The following PCCA variants were observed in gnomAD, a reference collection of about 807,000 sequenced individuals.
PCCA encodes propionyl-CoA carboxylase subunit alpha.
A neutral mutation model predicts 101.3 loss-of-function variants in PCCA; 74 were observed. That is an observed-to-expected ratio of 0.73 (90% confidence interval 0.61 to 0.89). The LOEUF is 0.89. PCCA is among the 40% of genes least tolerant of loss of function. PCCA has a pLI of 0.00. For synonymous variants in PCCA, 294 were observed against 313.6 expected, an observed-to-expected ratio of 0.94 and a Z score of 0.66; for missense variants, 891 against 907.0, an observed-to-expected ratio of 0.98 and a Z score of 0.23.
At chr13:100,292,313 G>C (rs892526758) in intron 12 of PCCA, among the ~76,000 whole-genome samples, 1 of 152,196 alleles carries the variant, frequency 6.6e-6, no homozygotes, top group East Asian at 1.9e-4. Context: ...TTTTCACTCA[G>C]AGCAAGTAAA....
Position 100,104,534 on chromosome 13 carries a change from G to A in PCCA, c.183+1574G>A, listed in dbSNP as rs556824116. 4.1e-4 allele frequency: 62 copies of A among 152,304 alleles called. 1 individual carries two copies. Among genetic ancestry groups the A allele is most frequent in the Admixed American group, 3.7e-3 (56 of 15,278 alleles). 9.4% of individuals were successfully genotyped at this position (152,304 alleles called of 1,614,324 possible). On this transcript the variant is annotated intron_variant, in intron 2 of 23. Transcript: ENST00000376285. Reference sequence around the variant, plus strand: ...CTCTCCCCTGCTGCCTTGTGAAGAAGGGTCCTGCTTTCCTTCTGCCATGAT... The same window carrying A: ...CTCTCCCCTGCTGCCTTGTGAAGAAAGGTCCTGCTTTCCTTCTGCCATGAT...
At chr13:100,112,576 CTTTTT>C (rs5806149) in intron 4 of PCCA, among the ~76,000 whole-genome samples, 3 of 124,046 alleles carry the variant, frequency 2.4e-5, no homozygotes, top group Admixed American at 8.6e-5. Flanking sequence ...CACAGCAGGC[CTTTTT>C]TTTTTTTTTT....
intron 6 of PCCA, among the ~76,000 whole-genome samples, chr13:100,169,512 A>G (rs561737325): frequency 6.6e-6 from 1 of 151,274 alleles, no homozygotes; most frequent in Admixed American, 6.6e-5. Context: ...GGCTGAACTC[A>G]TGCTTTTTAT....
chr13:100,145,973 A>G (rs1356191384), intron 4 of PCCA, among the ~76,000 whole-genome samples: 1 of 148,506 alleles, frequency 6.7e-6, no homozygotes, highest in Non-Finnish European at 1.5e-5. Context: ...GTCTCACTCT[A>G]TCGCCCAGGC....
chr13:100,301,407 C>T, intron 12 of PCCA, 53 bp from the exon 13 acceptor site: 1 of 1,601,868 alleles, frequency 6.2e-7, no homozygotes, highest in Non-Finnish European at 8.6e-7. Context: ...TTGTTTGTTT[C>T]TATTTATTTA....
At chr13:100,427,309 T>C (rs571217762) in intron 20 of PCCA, among the ~76,000 whole-genome samples, 6 of 152,372 alleles carry the variant, frequency 3.9e-5, no homozygotes, top group African/African-American at 1.4e-4. Flanking sequence ...GAATATGTTA[T>C]GGCTCAAGTG....
chr13:100,098,105 C>G (rs919901377), intron 1 of PCCA, among the ~76,000 whole-genome samples: 2 of 151,772 alleles, frequency 1.3e-5, no homozygotes, highest in African/African-American at 4.8e-5. Context: ...GTGGGAAGAT[C>G]ATTTAAGCCT....
intron 17 of PCCA, among the ~76,000 whole-genome samples, chr13:100,332,058 C>G (rs910731789): frequency 6.6e-6 from 1 of 151,120 alleles, no homozygotes; most frequent in Admixed American, 6.6e-5. Flanking sequence ...CCTGCCGCAG[C>G]GTCCCAAGTA....
At chr13:100,120,852 G>A (rs1022195670) in intron 4 of PCCA, among the ~76,000 whole-genome samples, 2 of 152,082 alleles carry the variant, frequency 1.3e-5, no homozygotes, top group Non-Finnish European at 2.9e-5. Context: ...AACCAGCTGG[G>A]ATTTTGATTG....
chr13:100,450,813 T>G (rs1285328586), intron 21 of PCCA, among the ~76,000 whole-genome samples: 1 of 152,232 alleles, frequency 6.6e-6, no homozygotes, highest in Non-Finnish European at 1.5e-5. Flanking sequence ...GTTTTGTGAT[T>G]ATTCTTGTTT....
chr13:100,214,408 T>C (rs2059395570), intron 7 of PCCA, among the ~76,000 whole-genome samples: 4 of 151,726 alleles, frequency 2.6e-5, no homozygotes. Flanking sequence ...GTTTTATAGT[T>C]GTTTTTTTGT....
At chr13:100,285,379 C>T (rs1022418657) in intron 12 of PCCA, among the ~76,000 whole-genome samples, 3 of 152,134 alleles carry the variant, frequency 2.0e-5, no homozygotes, top group African/African-American at 7.2e-5. Flanking sequence ...CAGAGAGAGC[C>T]GGGATAGCTC....
intron 8 of PCCA, among the ~76,000 whole-genome samples, chr13:100,241,706 C>T (rs9582380): frequency 0.16 from 23,678 of 152,044 alleles, 1,982 homozygotes; most frequent in Non-Finnish European, 0.18. Context: ...CTCAAGTGAT[C>T]CACCCACATT....
chr13:100,530,067 T>C, intron 23 of PCCA, 31 bp from the exon 24 acceptor site: 2 of 1,575,008 alleles, frequency 1.3e-6, no homozygotes, highest in Non-Finnish European at 1.7e-6. Flanking sequence ...ATTCTTACTC[T>C]CCCCTCCCCC....
chr13:100,139,010 T>C (rs1306078596), intron 4 of PCCA, among the ~76,000 whole-genome samples: 2 of 151,058 alleles, frequency 1.3e-5, no homozygotes, highest in Non-Finnish European at 3.0e-5. Flanking sequence ...ATATTTGCAC[T>C]GAATATAGAG....
At chr13:100,310,707 ATATATG>A (rs1266274460) in intron 16 of PCCA, among the ~76,000 whole-genome samples, 4 of 152,200 alleles carry the variant, frequency 2.6e-5, no homozygotes, top group Non-Finnish European at 4.4e-5. Flanking sequence ...TGCTTACTCT[ATATATG>A]TATATATAGG....
intron 6 of PCCA, among the ~76,000 whole-genome samples, chr13:100,190,630 G>A (rs977534320): frequency 9.9e-5 from 15 of 152,162 alleles, no homozygotes; most frequent in African/African-American, 3.6e-4. Flanking sequence ...AGCCGAGATT[G>A]TGCTATTGCA....
Position 100,268,670 on chromosome 13 carries a change from A to G in PCCA, c.820-19A>G. On this transcript the variant is annotated intron_variant, in intron 10 of 23. Transcript: ENST00000376285. Reference sequence around the variant, plus strand: ...GTGGGTGTGGTTATATGGTTTTTCAAATGGTATTGCTCTTTCAGGTTCTAG... The same window carrying G: ...GTGGGTGTGGTTATATGGTTTTTCAGATGGTATTGCTCTTTCAGGTTCTAG... 6.4e-7 allele frequency: 1 copy of G among 1,566,274 alleles called. No homozygotes were observed. The highest frequency in any genetic ancestry group is 8.8e-7 in the Non-Finnish European group (1 of 1,136,420).
At chr13:100,509,789 C>T (rs1403845816) in intron 21 of PCCA, among the ~76,000 whole-genome samples, 1 of 150,816 alleles carries the variant, frequency 6.6e-6, no homozygotes, top group African/African-American at 2.4e-5. Flanking sequence ...CAGACTAAGC[C>T]AGCATAGTGG....
Sources: allele counts gnomAD v4.1 joint callset (sites outside exome capture counted in the v4.1 genomes callset), GRCh38; gene constraint gnomAD v4.1.1; transcripts MANE v1.5; gene names NCBI Gene and HGNC (gene_info 2026-07-23, HGNC 2026-07-21).